Variants in WDFY4 observed in about 807,000 individuals in gnomAD.
WDFY4 encodes the protein WDFY family member 4, also known as WD repeat- and FYVE domain-containing protein 4.
WDFY4 carries 169 observed loss-of-function variants against 351.9 expected under a neutral mutation model. That is an observed-to-expected ratio of 0.48 (90% CI 0.42 to 0.55). The LOEUF is 0.55. WDFY4 is among the 20% of genes least tolerant of loss of function. WDFY4 has a pLI of 0.00. For missense variants in WDFY4, 3,803 were observed against 3,935.6 expected, an observed-to-expected ratio of 0.97 and a Z score of 0.90; for synonymous variants, 1,622 against 1,574.6, an observed-to-expected ratio of 1.03 and a Z score of -0.71.
intron 13 of WDFY4, among the ~76,000 whole-genome samples, chr10:48,766,447 A>C (rs1416416654): frequency 6.6e-6 from 1 of 152,152 alleles, no homozygotes; most frequent in Non-Finnish European, 1.5e-5. Context: ...AAAATCAGCC[A>C]GGCATGGTGG....
chr10:48,806,337 GT>G (rs1662584995), intron 27 of WDFY4, among the ~76,000 whole-genome samples: 1 of 152,186 alleles, frequency 6.6e-6, no homozygotes, highest in African/African-American at 2.4e-5. Flanking sequence ...AATAAAATCA[GT>G]TCCCTGTAGA....
intron 47 of WDFY4, among the ~76,000 whole-genome samples, chr10:48,936,011 A>T (rs1840337202): frequency 6.6e-6 from 1 of 152,182 alleles, no homozygotes. Flanking sequence ...ATTGGAAAAA[A>T]ATTTGAAAAT....
In WDFY4 at chr10:48,969,908, T is replaced by C. The variant is rs187378953; in HGVS notation, c.8770-223T>C. Among the ~76,000 whole-genome samples, 3 of 152,296 alleles carry C rather than the reference T, an allele frequency of 2.0e-5. No individual in the cohort carries two copies. The East Asian group carries it at 5.8e-4, about 29-fold the overall frequency. ...ACCCCGTGCTGGTGCTCATGGGGTC[T>C]TCCCAGCATCCCTCACTTGTTTCTT... On this transcript the variant is annotated intron_variant, in intron 56 of 61. Transcript: ENST00000325239.
chr10:48,788,032 T>C (rs61838438), intron 20 of WDFY4, among the ~76,000 whole-genome samples: 7,524 of 95,404 alleles, frequency 0.079, 499 homozygotes, highest in Middle Eastern at 0.18. Flanking sequence ...CCTTCTCCTT[T>C]TCCTTCTTCT....
intron 1 of WDFY4, among the ~76,000 whole-genome samples, chr10:48,697,728 G>A (rs1333786103): frequency 6.6e-6 from 1 of 152,116 alleles, no homozygotes; most frequent in Non-Finnish European, 1.5e-5. Flanking sequence ...TTGGTTTACT[G>A]CCAGCCAGGA....
chr10:48,869,185 T>C (rs1179676144), intron 40 of WDFY4, among the ~76,000 whole-genome samples: 5 of 152,222 alleles, frequency 3.3e-5, no homozygotes, highest in African/African-American at 4.8e-5. Flanking sequence ...AGGAGTAGTA[T>C]GCTTTCCCAA....
intron 24 of WDFY4, among the ~76,000 whole-genome samples, chr10:48,800,712 TTCTTTCTTTCATTCTTTC>T (rs1280377847): frequency 2.9e-5 from 4 of 139,172 alleles, no homozygotes; most frequent in South Asian, 2.3e-4. Context: ...CTTTCTTTCT[TTCTTTCTTTCATTCTTTC>T]TTTTTTTTTT....
chr10:48,820,519 G>GCCCTCTGTCTCCCTGGGT, intron 33 of WDFY4, 82 bp downstream of exon 33: 2 of 1,428,934 alleles, frequency 1.4e-6, no homozygotes, highest in Non-Finnish European at 1.9e-6. Context: ...ATGCACCCAG[G>GCCCTCTGTCTCCCTGGGT]GAGACAGAGG....
At position 48,731,303 on chromosome 10, in the gene WDFY4, G is replaced by A. The variant is rs200340504; in HGVS notation, c.1323G>A (p.Pro441=). Residue 441 remains proline, a synonymous_variant, in exon 9 of 62, where the codon CCG becomes CCA. Transcript: ENST00000325239. ...TTGTAGAGATCATGCCCCTGAAGCC[G>A]GCCCCAGTGCAGGAACACTTCTTCC... The part of the protein sequence containing the change: ...SQFVEIMPLK[P]APVQEHFFQL... 62 of 1,551,716 alleles carry A rather than the reference G, an allele frequency of 4.0e-5. 1 individual carries two copies. The South Asian group carries it at 4.4e-4, about 11-fold the overall frequency.
At chr10:48,800,650 C>A (rs2067036845) in intron 24 of WDFY4, among the ~76,000 whole-genome samples, 1 of 150,262 alleles carries the variant, frequency 6.7e-6, no homozygotes. Flanking sequence ...AAGTTGTGGG[C>A]TTCTAAGTCT....
At chr10:48,772,361 ATG>A (rs907827227) in intron 13 of WDFY4, among the ~76,000 whole-genome samples, 1 of 151,604 alleles carries the variant, frequency 6.6e-6, no homozygotes, top group Non-Finnish European at 1.5e-5. Context: ...GTGTGTGTGG[ATG>A]TGTGTGTGGA....
At chr10:48,726,721 C>T (rs779121630) in intron 6 of WDFY4, among the ~76,000 whole-genome samples, 12 of 152,204 alleles carry the variant, frequency 7.9e-5, no homozygotes, top group African/African-American at 2.2e-4. Flanking sequence ...TGATTCTTTG[C>T]GGCTCTTCTG....
intron 23 of WDFY4, among the ~76,000 whole-genome samples, chr10:48,795,310 A>G (rs959002903): frequency 6.6e-6 from 1 of 151,848 alleles, no homozygotes; most frequent in African/African-American, 2.4e-5. Context: ...CATGATCTTT[A>G]GGATAAGAAA....
intron 11 of WDFY4, among the ~76,000 whole-genome samples, chr10:48,741,583 G>A (rs10857628): frequency 0.3 from 45,387 of 151,204 alleles, 8,025 homozygotes; most frequent in Non-Finnish European, 0.39. Flanking sequence ...CTTCCCACAT[G>A]TTTTTCTGAG....
chr10:48,774,747 G>C lies in WDFY4; in HGVS notation c.2768+75G>C, dbSNP rs530823697. ...TTGCAGGGCAGGGGTTGCACAATGGGCAGTGGAGAGACTGCAGGGACAGAT... is the reference window on the plus strand; with the variant it reads ...TTGCAGGGCAGGGGTTGCACAATGGCCAGTGGAGAGACTGCAGGGACAGAT... On this transcript the variant is annotated intron_variant, in intron 14 of 61. Coordinates refer to ENST00000325239, the MANE Select transcript of WDFY4 (RefSeq NM_001394531.1). 2.1e-5 allele frequency: 31 copies of C among 1,501,320 alleles called. 1 individual carries two copies. The South Asian group carries it at 3.5e-4, about 17-fold the overall frequency. The allele number at this position is 1,501,320 out of a possible 1,614,324, so 93.0% of individuals were successfully genotyped here.
intron 51 of WDFY4, among the ~76,000 whole-genome samples, chr10:48,951,508 G>A (rs1841319809): frequency 6.6e-6 from 1 of 152,164 alleles, no homozygotes; most frequent in East Asian, 1.9e-4. Flanking sequence ...TGGAACTCCA[G>A]GGCTCGAGCA....
At chr10:48,914,751 G>A (rs1792387612) in intron 47 of WDFY4, among the ~76,000 whole-genome samples, 1 of 152,182 alleles carries the variant, frequency 6.6e-6, no homozygotes, top group African/African-American at 2.4e-5. Context: ...GAACTAGTGA[G>A]GCCTTGGCTA....
chr10:48,930,217 A>G (rs1268900416), intron 47 of WDFY4, among the ~76,000 whole-genome samples: 1 of 152,234 alleles, frequency 6.6e-6, no homozygotes, highest in Non-Finnish European at 1.5e-5. Context: ...GCTGAGAGTC[A>G]GCTGCTACAT....
At chr10:48,696,588 C>T (rs1194489644) in intron 1 of WDFY4, among the ~76,000 whole-genome samples, 2 of 152,246 alleles carry the variant, frequency 1.3e-5, no homozygotes, top group Non-Finnish European at 2.9e-5. Context: ...ACAGACTCAG[C>T]GGCCAGCCCA....
Sources: gnomAD v4.1 joint callset for allele counts (sites outside exome capture counted in the v4.1 genomes callset) on GRCh38, gnomAD v4.1.1 for gene constraint, MANE v1.5 for transcripts, NCBI Gene and HGNC (gene_info 2026-07-23, HGNC 2026-07-21) for gene names.